Variants in EYS observed in about 807,000 individuals in gnomAD.
EYS encodes the protein protein eyes shut homolog.
Under a neutral mutation model 282.1 loss-of-function variants are expected in EYS, and 250 were observed. That is an observed-to-expected ratio of 0.89 (90% CI 0.80 to 0.98). The LOEUF is 0.98. Among genes scored for constraint, EYS ranks in the 50% least tolerant of loss-of-function variants. EYS has a pLI of 0.00. For synonymous variants in EYS, 1,355 were observed against 1,282.9 expected, an observed-to-expected ratio of 1.06 and a Z score of -1.20; for missense variants, 4,016 against 3,709.0, an observed-to-expected ratio of 1.08 and a Z score of -2.15.
chr6:64,600,955 A>C (rs1387391011), intron 24 of EYS, among the ~76,000 whole-genome samples: 1 of 152,080 alleles, frequency 6.6e-6, no homozygotes, highest in Admixed American at 6.6e-5. Context: ...TGTTATAGTG[A>C]AATTCCAGAA....
chr6:64,590,419 A>G lies in EYS; in HGVS notation c.5448T>C (p.Asp1816=), dbSNP rs529055258. 1.3e-6 allele frequency: 2 copies of G among 1,551,244 alleles called. No homozygotes were observed. Among genetic ancestry groups the G allele is most frequent in the Admixed American group, 3.9e-5 (2 of 50,960 alleles). The change falls in exon 26 of 43, where the codon GAT becomes GAC. Residue 1816 remains aspartate, a synonymous_variant. Coordinates refer to ENST00000503581, the MANE Select transcript of EYS (RefSeq NM_001142800.2). The part of the protein sequence containing the change: ...TSSSMSVIRP[D]WPYFTDYMTS... ...TCATATAATCTGTAAAATATGGCCA[A>G]TCTGGCCTAATTACAGACATGGAGG... is the stretch of plus-strand genomic sequence containing the variant.
chr6:63,864,187 A>G lies in EYS; in HGVS notation c.7227T>C (p.Asp2409=), dbSNP rs762804865. The change falls in exon 36 of 43, where the codon GAT becomes GAC. Residue 2409 remains aspartate (D), a splice_region_variant and synonymous_variant. Coordinates refer to ENST00000503581, the MANE Select transcript of EYS (RefSeq NM_001142800.2). ...TGTTTAATAATCAAATGCTCTTACCATCAGTGCAGAGGGGTCCAGACCTCC... is the reference window on the plus strand; with the variant it reads ...TGTTTAATAATCAAATGCTCTTACCGTCAGTGCAGAGGGGTCCAGACCTCC... The part of the protein sequence containing the change: ...PYGRSGPLCT[D]AINITQPRFS... 4 of 1,484,860 alleles carry G rather than the reference A, an allele frequency of 2.7e-6. No individual in the cohort carries two copies. Among genetic ancestry groups the G allele is most frequent in the Non-Finnish European group, 3.6e-6 (4 of 1,112,858 alleles). The allele number at this position is 1,484,860 out of a possible 1,614,324, so 92.0% of individuals were successfully genotyped here. A position where few individuals can be genotyped will look rare whatever the true frequency, so the allele number is the denominator to read the frequency against.
chr6:64,942,377 A>C (rs1182074532), intron 15 of EYS, among the ~76,000 whole-genome samples: 1 of 144,388 alleles, frequency 6.9e-6, no homozygotes, highest in African/African-American at 2.6e-5. Context: ...TCAGAGCAGA[A>C]CTGAACAAAA....
At chr6:64,063,304 C>T (rs1292668727) in intron 33 of EYS, among the ~76,000 whole-genome samples, 1 of 152,174 alleles carries the variant, frequency 6.6e-6, no homozygotes, top group Non-Finnish European at 1.5e-5. Flanking sequence ...ACCTTAATCT[C>T]AGCATGCTTA....
chr6:64,463,944 C>T (rs550676525), intron 26 of EYS, among the ~76,000 whole-genome samples: 61 of 152,266 alleles, frequency 4.0e-4, no homozygotes, highest in African/African-American at 1.4e-3. Context: ...GTGAAGCTAG[C>T]ATTATCCCAT....
At chr6:64,924,350 C>G (rs2150083423) in intron 15 of EYS, among the ~76,000 whole-genome samples, 1 of 152,220 alleles carries the variant, frequency 6.6e-6, no homozygotes, top group South Asian at 2.1e-4. Flanking sequence ...GACCCTGGGC[C>G]CAGCCCACAA....
intron 37 of EYS, among the ~76,000 whole-genome samples, chr6:63,789,640 G>A (rs569655046): frequency 6.6e-6 from 1 of 152,268 alleles, no homozygotes; most frequent in East Asian, 1.9e-4. Context: ...TCTATGATTT[G>A]AGAATAGGAT....
intron 2 of EYS, among the ~76,000 whole-genome samples, chr6:65,530,372 T>A (rs1459492734): frequency 6.6e-6 from 1 of 152,130 alleles, no homozygotes; most frequent in Non-Finnish European, 1.5e-5. Flanking sequence ...CCACCTGTCT[T>A]TGTAAATACA....
intron 30 of EYS, among the ~76,000 whole-genome samples, chr6:64,237,857 G>A (rs1385704601): frequency 1.3e-5 from 2 of 151,928 alleles, no homozygotes; most frequent in Non-Finnish European, 2.9e-5. Flanking sequence ...TATTAAAGGA[G>A]GAAATATGCA....
Position 65,180,546 on chromosome 6 carries a change from G to A in EYS, c.2023+115317C>T, listed in dbSNP as rs960493734. Among the ~76,000 whole-genome samples, 19 of 152,182 alleles carry A rather than the reference G, an allele frequency of 1.2e-4. 1 individual carries two copies. The South Asian group carries it at 3.5e-3, about 28-fold the overall frequency. On this transcript the variant is annotated intron_variant, in intron 12 of 42. Transcript: ENST00000503581. ...GGAGAACTACAAACCACTGCTCAAC[G>A]AAATAAAAGAAGATACAAACAAGTG...
At position 64,522,623 on chromosome 6, in the gene EYS, G is replaced by T. The variant is rs182032453; in HGVS notation, c.5644+67600C>A. ...GCATATGAAATTGGGGAATCCGGGG[G>T]CAAGACTGAGCAGGAGGTGTATGGC... On this transcript the variant is annotated intron_variant, in intron 26 of 42. Transcript: ENST00000503581. 3.4e-4 allele frequency among the ~76,000 whole-genome samples: 52 copies of T among 151,826 alleles called. 1 individual carries two copies. In the East Asian group the frequency reaches 9.1e-3, roughly 27 times the overall value.
intron 15 of EYS, among the ~76,000 whole-genome samples, chr6:64,927,774 T>C (rs1397081962): frequency 6.6e-6 from 1 of 152,086 alleles, no homozygotes; most frequent in African/African-American, 2.4e-5. Context: ...ATAGTTATAA[T>C]AAAAGTCAAA....
chr6:63,917,636 G>A (rs1764459387), intron 35 of EYS, among the ~76,000 whole-genome samples: 1 of 152,196 alleles, frequency 6.6e-6, no homozygotes, highest in Non-Finnish European at 1.5e-5. Context: ...TGTACCAAAT[G>A]TCAAATGGCA....
intron 12 of EYS, among the ~76,000 whole-genome samples, chr6:65,072,837 TAAGA>T (rs1312224130): frequency 1.3e-5 from 2 of 150,710 alleles, no homozygotes; most frequent in Non-Finnish European, 3.0e-5. Flanking sequence ...AAAAGGAAAT[TAAGA>T]AAGAGATAAA....
intron 12 of EYS, among the ~76,000 whole-genome samples, chr6:65,069,648 C>T (rs530161936): frequency 1.3e-5 from 2 of 151,972 alleles, no homozygotes; most frequent in Admixed American, 1.3e-4. Flanking sequence ...CATGCCTCAG[C>T]TTTGGTCATG....
chr6:65,351,934 C>T (rs1764291995), intron 9 of EYS, among the ~76,000 whole-genome samples: 1 of 151,798 alleles, frequency 6.6e-6, no homozygotes, highest in Admixed American at 6.6e-5. Flanking sequence ...CTAAATAGTC[C>T]TGAGGTTAAT....
intron 22 of EYS, among the ~76,000 whole-genome samples, chr6:64,655,026 G>C (rs975726700): frequency 1.3e-5 from 2 of 152,022 alleles, no homozygotes; most frequent in Non-Finnish European, 2.9e-5. Context: ...CTTAAATTGT[G>C]ATAGAAAGTT....
chr6:64,166,278 G>A (rs531415671), intron 31 of EYS, among the ~76,000 whole-genome samples: 2 of 152,138 alleles, frequency 1.3e-5, no homozygotes, highest in South Asian at 2.1e-4. Flanking sequence ...ACTTATGTTC[G>A]CTTAACGAGT....
Position 65,220,141 on chromosome 6 carries a change from G to T in EYS, c.2023+75722C>A, listed in dbSNP as rs553179892. Among the ~76,000 whole-genome samples the T allele has an allele frequency of 3.3e-5, 5 of 152,092 alleles. No individual in the cohort carries two copies. The East Asian group carries it at 9.7e-4, about 29-fold the overall frequency. On this transcript the variant is annotated intron_variant, in intron 12 of 42. Transcript: ENST00000503581. ...TTTTTTTAAACTTTTTATAGGCTCA[G>T]ATTTTTGCATTTTTATCCTTATTGT...
Sources: allele counts gnomAD v4.1 joint callset (sites outside exome capture counted in the v4.1 genomes callset), GRCh38; gene constraint gnomAD v4.1.1; transcripts MANE v1.5; gene names NCBI Gene and HGNC (gene_info 2026-07-23, HGNC 2026-07-21).